GALNTL6: variants seen among roughly 807,000 people sequenced by gnomAD.
GALNTL6 encodes polypeptide N-acetylgalactosaminyltransferase-like 6.
A neutral mutation model predicts 73.7 loss-of-function variants in GALNTL6; 46 were observed. That is an observed-to-expected ratio of 0.62 (90% CI 0.49 to 0.80). GALNTL6 has a LOEUF of 0.80. Among genes scored for constraint, GALNTL6 ranks in the 30% least tolerant of loss-of-function variants. The pLI is 0.00. For missense variants in GALNTL6, 604 were observed against 755.0 expected (o/e 0.80, Z 2.34); for synonymous variants, 259 against 263.7 (o/e 0.98, Z 0.17).
chr4:172,988,527 A>G (rs1446615810), intron 10 of GALNTL6, among the ~76,000 whole-genome samples: 1 of 152,246 alleles, frequency 6.6e-6, no homozygotes, highest in Non-Finnish European at 1.5e-5. Flanking sequence ...GAAAAGAAAG[A>G]TTCATTTTCA....
At chr4:172,177,819 GTA>G (rs1242145425) in intron 2 of GALNTL6, among the ~76,000 whole-genome samples, 1 of 131,390 alleles carries the variant, frequency 7.6e-6, no homozygotes, top group Non-Finnish European at 1.6e-5. Flanking sequence ...ATATGTGTGT[GTA>G]TATATACACA....
intron 5 of GALNTL6, among the ~76,000 whole-genome samples, chr4:172,745,833 A>C (rs1304184668): frequency 6.6e-6 from 1 of 152,060 alleles, no homozygotes; most frequent in African/African-American, 2.4e-5. Context: ...GAAAAATACA[A>C]CTTAGGCGAG....
At chr4:172,514,295 C>A (rs1221093428) in intron 5 of GALNTL6, among the ~76,000 whole-genome samples, 3 of 152,048 alleles carry the variant, frequency 2.0e-5, no homozygotes, top group Admixed American at 6.6e-5. Flanking sequence ...GTTCTCAGGC[C>A]TATGGAGTTA....
In GALNTL6 at chr4:172,177,826, T is replaced by TAC. The variant is rs891594040; in HGVS notation, c.139-51822_139-51821dup. Among the ~76,000 whole-genome samples, 30 of 143,824 alleles carry TAC rather than the reference T, an allele frequency of 2.1e-4. 1 individual carries two copies. Among genetic ancestry groups the TAC allele is most frequent in the African/African-American group, 7.3e-4 (27 of 37,234 alleles). 94.4% of individuals were successfully genotyped at this position (143,824 alleles called of 152,430 possible). On this transcript the variant is annotated intron_variant, in intron 2 of 12. Transcript: ENST00000506823. The stretch of plus-strand genomic sequence containing the variant: ...ACACACATATATGTGTGTGTATATA[T>TAC]ACACACACATATATATGTGTATATA...
chr4:172,478,324 A>G (rs892472639), intron 5 of GALNTL6, among the ~76,000 whole-genome samples: 19 of 152,238 alleles, frequency 1.2e-4, no homozygotes, highest in Admixed American at 1.2e-3. Flanking sequence ...CACTTAGACC[A>G]GTGGAACAGA....
Position 172,229,426 on chromosome 4 carries a change from G to A in GALNTL6, c.139-230G>A, listed in dbSNP as rs546101237. Among the ~76,000 whole-genome samples, 3 of 152,196 alleles carry A rather than the reference G, an allele frequency of 2.0e-5. No individual in the cohort carries two copies. In the South Asian group the frequency reaches 6.2e-4, roughly 32 times the overall value. On this transcript the variant is annotated intron_variant, in intron 2 of 12. Transcript: ENST00000506823. The stretch of plus-strand genomic sequence containing the variant: ...TAGCGTCTCTGGATGAAATAAAATA[G>A]GGAATGATAGTTGTTGCAGGAGAGG...
At chr4:172,481,345 G>A (rs1733460645) in intron 5 of GALNTL6, among the ~76,000 whole-genome samples, 1 of 125,404 alleles carries the variant, frequency 8.0e-6, no homozygotes, top group Non-Finnish European at 1.8e-5. Flanking sequence ...AGGCAGTGCG[G>A]ACCCAAAGAG....
intron 10 of GALNTL6, among the ~76,000 whole-genome samples, chr4:172,965,959 A>G (rs1429796104): frequency 6.6e-6 from 1 of 152,190 alleles, no homozygotes; most frequent in Admixed American, 6.5e-5. Flanking sequence ...TTCAGTGAAA[A>G]TTAGTGCCTT....
At chr4:172,859,186 C>A (rs1310789034) in intron 7 of GALNTL6, among the ~76,000 whole-genome samples, 1 of 152,116 alleles carries the variant, frequency 6.6e-6, no homozygotes, top group Non-Finnish European at 1.5e-5. Context: ...TATGGCAGAG[C>A]TCCCAAGGTC....
chr4:171,989,034 A>T (rs865954627), intron 2 of GALNTL6, among the ~76,000 whole-genome samples: 137 of 150,248 alleles, frequency 9.1e-4, no homozygotes, highest in Admixed American at 3.8e-3. Context: ...GGGGATAACT[A>T]AAAAGGAGTG....
intron 2 of GALNTL6, among the ~76,000 whole-genome samples, chr4:172,197,984 G>A (rs540499244): frequency 2.0e-5 from 3 of 152,122 alleles, no homozygotes; most frequent in African/African-American, 4.8e-5. Flanking sequence ...GGTTGTGGGC[G>A]CCTGTAGTCC....
intron 2 of GALNTL6, among the ~76,000 whole-genome samples, chr4:172,201,189 GGTTT>G (rs1735939654): frequency 1.4e-5 from 2 of 142,016 alleles, no homozygotes; most frequent in Non-Finnish European, 3.0e-5. Context: ...TTTTTTTTTT[GGTTT>G]GTTTGTTATT....
intron 2 of GALNTL6, among the ~76,000 whole-genome samples, chr4:171,879,367 T>C (rs1053853830): frequency 2.0e-5 from 3 of 152,118 alleles, no homozygotes; most frequent in Non-Finnish European, 4.4e-5. Context: ...ACTATTGTGC[T>C]TTTTTTCTAC....
chr4:172,221,400 C>T (rs1237920047), intron 2 of GALNTL6, among the ~76,000 whole-genome samples: 1 of 151,702 alleles, frequency 6.6e-6, no homozygotes, highest in South Asian at 2.1e-4. Context: ...AACCCAGGCT[C>T]AATGACCCCA....
intron 4 of GALNTL6, among the ~76,000 whole-genome samples, chr4:172,347,943 A>G (rs768582883): frequency 2.0e-5 from 3 of 152,162 alleles, no homozygotes; most frequent in Non-Finnish European, 4.4e-5. Context: ...CTATGATAAC[A>G]TCTTGATTTG....
intron 2 of GALNTL6, among the ~76,000 whole-genome samples, chr4:172,191,693 A>G (rs1024580686): frequency 3.9e-5 from 6 of 152,174 alleles, no homozygotes; most frequent in Admixed American, 3.3e-4. Context: ...CTCTTCTAAA[A>G]CTTCCCTCTT....
intron 10 of GALNTL6, among the ~76,000 whole-genome samples, chr4:172,979,655 A>G (rs1411177394): frequency 6.6e-6 from 1 of 152,226 alleles, no homozygotes; most frequent in Non-Finnish European, 1.5e-5. Flanking sequence ...CAGCTCATTC[A>G]AATATTCACC....
chr4:172,349,196 A>T lies in GALNTL6; in HGVS notation c.553+507A>T, dbSNP rs561120184. On this transcript the variant is annotated intron_variant, in intron 5 of 12. Transcript: ENST00000506823. ...TAGCTATTTTATCTATCTGAACAAT[A>T]ACAGAAACAATCTAGTGTAATAGTA... 3.5e-4 allele frequency among the ~76,000 whole-genome samples: 53 copies of T among 152,276 alleles called. 1 individual carries two copies. The highest frequency in any genetic ancestry group is 7.1e-4 in the Non-Finnish European group (48 of 68,010).
intron 2 of GALNTL6, among the ~76,000 whole-genome samples, chr4:171,915,970 G>C (rs1405497219): frequency 6.6e-6 from 1 of 152,028 alleles, no homozygotes; most frequent in Non-Finnish European, 1.5e-5. Flanking sequence ...ATATGCAAAG[G>C]AAATGAAGAT....
Sources: gnomAD v4.1 joint callset for allele counts (sites outside exome capture counted in the v4.1 genomes callset) on GRCh38, gnomAD v4.1.1 for gene constraint, MANE v1.5 for transcripts, NCBI Gene and HGNC (gene_info 2026-07-23, HGNC 2026-07-21) for gene names.